Variants in IVD observed in about 807,000 individuals in gnomAD.
IVD encodes isovaleryl-CoA dehydrogenase, mitochondrial.
In IVD, 31 loss-of-function variants were observed where a neutral mutation model predicts 51.3. The observed-to-expected ratio is 0.60, with a 90% CI of 0.45 to 0.81. IVD has a LOEUF of 0.81. Among genes scored for constraint, IVD ranks in the 40% least tolerant of loss-of-function variants. IVD has a pLI of 0.00. For synonymous variants in IVD, 205 were observed against 219.4 expected (o/e 0.93, Z 0.58); for missense variants, 475 against 552.0 (o/e 0.86, Z 1.40).
intron 7 of IVD, among the ~76,000 whole-genome samples, chr15:40,430,535 A>G (rs1892912608): frequency 6.6e-6 from 1 of 152,212 alleles, no homozygotes; most frequent in African/African-American, 2.4e-5. Context: ...TATTTTGGAA[A>G]GATCCCTCTG....
In IVD at chr15:40,406,377, T is replaced by C. The variant is rs1379952943; in HGVS notation, c.144+406T>C. 6 of 1,291,008 alleles carry C rather than the reference T, an allele frequency of 4.6e-6. No individual in the cohort carries two copies. In the South Asian group the frequency reaches 7.4e-5, roughly 16 times the overall value. The allele number at this position is 1,291,008 out of a possible 1,614,324, so 80.0% of individuals were successfully genotyped here. A position where few individuals can be genotyped will look rare whatever the true frequency, so the allele number is the denominator to read the frequency against. On this transcript the variant is annotated intron_variant, in intron 1 of 11. Transcript: ENST00000487418. ...TATGCTTCTCACACCTGGGTGGTCA[T>C]CGTAATCACCAGGGAGTCTTTTTTG...
At chr15:40,415,957 C>T (rs1483439281) in intron 9 of IVD, 121 bp from the exon 10 acceptor site, 6 of 850,028 alleles carry the variant, frequency 7.1e-6, no homozygotes, top group African/African-American at 6.7e-5. Context: ...TGAGTAAATC[C>T]CATCTCCTCT....
chr15:40,421,898 C>A (rs1036693921), downstream of IVD, among the ~76,000 whole-genome samples: 2 of 152,158 alleles, frequency 1.3e-5, no homozygotes, highest in African/African-American at 4.8e-5. Context: ...GTCAACACAC[C>A]GCGCGGTCTG....
rs1892214541 is a variant in IVD, at chr15:40,420,627, G to T, written c.*2364G>T. 1.0e-6 allele frequency: 1 copy of T among 987,436 alleles called. No individual in the cohort carries two copies. The allele number at this position is 987,436 out of a possible 1,614,324, so 61.2% of individuals were successfully genotyped here. On this transcript the variant is annotated 3_prime_UTR_variant, in exon 12 of 12. Transcript: ENST00000487418. ...CAGCCTCCCTTTCCCAGATCTCCCAGTGAGTTTTAAAGGAAGCAGGGAGCC... is the reference window on the plus strand; with the variant it reads ...CAGCCTCCCTTTCCCAGATCTCCCATTGAGTTTTAAAGGAAGCAGGGAGCC...
downstream of IVD, among the ~76,000 whole-genome samples, chr15:40,427,895 T>C (rs953949868): frequency 3.3e-5 from 5 of 152,084 alleles, no homozygotes; most frequent in African/African-American, 1.2e-4. Context: ...TAATTAAGAC[T>C]GGACTGCCAG....
downstream of IVD, among the ~76,000 whole-genome samples, chr15:40,428,563 A>G (rs1471745346): frequency 1.3e-5 from 2 of 152,054 alleles, no homozygotes; most frequent in African/African-American, 4.8e-5. Context: ...TCCATGGCCA[A>G]GCCGCCCAGG....
At position 40,418,325 on chromosome 15, in the gene IVD, G is replaced by A. The variant is rs1041153557; in HGVS notation, c.*62G>A. 4 of 1,608,816 alleles carry A rather than the reference G, an allele frequency of 2.5e-6. No individual in the cohort carries two copies. In the African/African-American group the frequency reaches 5.3e-5, roughly 21 times the overall value. ...GGCCTTTCTTGGGAAGTAGAGATGTGGCGGCTTTCCCACCCTGCCCACAGC... is the reference window on the plus strand; with the variant it reads ...GGCCTTTCTTGGGAAGTAGAGATGTAGCGGCTTTCCCACCCTGCCCACAGC... On this transcript the variant is annotated 3_prime_UTR_variant, in exon 12 of 12. Transcript: ENST00000487418.
intron 7 of IVD, among the ~76,000 whole-genome samples, chr15:40,431,021 C>A (rs1372889686): frequency 6.6e-6 from 1 of 151,866 alleles, no homozygotes; most frequent in Non-Finnish European, 1.5e-5. Flanking sequence ...ATTTGGAAAA[C>A]ATAAGAGTAG....
At chr15:40,423,530 C>T (rs1892488101), downstream of IVD, among the ~76,000 whole-genome samples, 3 of 152,212 alleles carry the variant, frequency 2.0e-5, no homozygotes, top group Admixed American at 1.3e-4. Flanking sequence ...GGCATAATCT[C>T]AGCTGACTGC....
chr15:40,420,675 C>G lies in IVD; in HGVS notation c.*2412C>G. The stretch of plus-strand genomic sequence containing the variant: ...GCCCAGAGTGCTAAGTTCTTACAGC[C>G]AGAAGGAAGCTTATAGATTTCTGAA... On this transcript the variant is annotated 3_prime_UTR_variant, in exon 12 of 12. Coordinates refer to ENST00000487418, the MANE Select transcript of IVD (RefSeq NM_002225.5). The G allele has an allele frequency of 1.0e-6, 1 of 987,288 alleles. No individual in the cohort carries two copies. The highest frequency in any genetic ancestry group is 1.2e-6 in the Non-Finnish European group (1 of 830,100). The allele number at this position is 987,288 out of a possible 1,614,324, so 61.2% of individuals were successfully genotyped here. A position where few individuals can be genotyped will look rare whatever the true frequency, so the allele number is the denominator to read the frequency against.
chr15:40,422,585 C>CTTTTTTTTTTTTTTTTTTTTTTTTTT (rs1157351420), downstream of IVD, among the ~76,000 whole-genome samples: 1 of 69,134 alleles, frequency 1.4e-5, no homozygotes, highest in Non-Finnish European at 2.5e-5. Context: ...GCCCGGCCGA[C>CTTTTTTTTTTTTTTTTTTTTTTTTTT]TTTTTTTTTT....
At chr15:40,411,236 G>A in intron 4 of IVD, 24 bp from the exon 5 acceptor site, 1 of 1,611,994 alleles carries the variant, frequency 6.2e-7, no homozygotes. Context: ...TTGTAACAAG[G>A]CCTGTTGGGG....
chr15:40,431,303 T>G (rs1446462537), intron 7 of IVD, among the ~76,000 whole-genome samples: 1 of 152,124 alleles, frequency 6.6e-6, no homozygotes, highest in Non-Finnish European at 1.5e-5. Flanking sequence ...ATTATTAATG[T>G]GACCCTGGGA....
In IVD at chr15:40,420,344, A is replaced by C. The variant is rs1043991887; in HGVS notation, c.*2081A>C. On this transcript the variant is annotated 3_prime_UTR_variant, in exon 12 of 12. Transcript: ENST00000487418. ...GGCCGGAGTTGGCTCGCATGACTCC[A>C]GCTGAGGCTGCCTGTGTACATTTCT... is the stretch of plus-strand genomic sequence containing the variant. The C allele has an allele frequency of 8.1e-6, 8 of 987,586 alleles. No individual in the cohort carries two copies. In the African/African-American group the frequency reaches 1.2e-4, roughly 15 times the overall value. 61.2% of individuals were successfully genotyped at this position (987,586 alleles called of 1,614,324 possible). A position where few individuals can be genotyped will look rare whatever the true frequency, so the allele number is the denominator to read the frequency against.
intron 4 of IVD, 62 bp downstream of exon 4, chr15:40,410,859 C>T: frequency 1.3e-6 from 2 of 1,581,580 alleles, no homozygotes; most frequent in South Asian, 2.3e-5. Flanking sequence ...TAAAAGATAC[C>T]CTCTCCCCTT....
In IVD at chr15:40,418,997, T is replaced by A. The variant is rs1234820453; in HGVS notation, c.*734T>A. On this transcript the variant is annotated 3_prime_UTR_variant, in exon 12 of 12. Transcript: ENST00000487418. ...AAAATAGAAAAAAATTAGTTGGGCA[T>A]GGTGGTGGGCACCTGTAATCCCAGC... The A allele has an allele frequency of 5.8e-6, 3 of 515,880 alleles. No homozygotes were observed. Among genetic ancestry groups the A allele is most frequent in the South Asian group, 2.0e-5 (1 of 50,780 alleles). The allele number at this position is 515,880 out of a possible 1,614,324, so 32.0% of individuals were successfully genotyped here.
At position 40,413,853 on chromosome 15, in the gene IVD, G is replaced by A. The variant is rs540735266; in HGVS notation, c.784+766G>A. Among the ~76,000 whole-genome samples, 46 of 151,920 alleles carry A rather than the reference G, an allele frequency of 3.0e-4. No homozygotes were observed. The East Asian group carries it at 8.9e-3, about 29-fold the overall frequency. On this transcript the variant is annotated intron_variant, in intron 7 of 11. Transcript: ENST00000487418. ...TTACAGGCATGCGCCACCCTGCCCA[G>A]CTAAATTTTTTGTTTGTTTTTTTGA...
chr15:40,411,662 C>T lies in IVD; in HGVS notation c.658C>T (p.Arg220Trp), dbSNP rs966893680. 13 of 1,614,204 alleles carry T rather than the reference C, an allele frequency of 8.1e-6. No homozygotes were observed. Among genetic ancestry groups the T allele is most frequent in the Middle Eastern group, 1.6e-4 (1 of 6,062 alleles). ...KTDLAAVPAS[R>W]GITAFIVEKG... Reference sequence around the variant, plus strand: ...AGATCTGGCTGCTGTGCCAGCTTCTCGGGGCATCACAGCCTTCATTGTGGA... The same window carrying T: ...AGATCTGGCTGCTGTGCCAGCTTCTTGGGGCATCACAGCCTTCATTGTGGA... The change falls in exon 6 of 12, where the codon CGG becomes TGG. Residue 220 changes from arginine to tryptophan, a missense_variant. Transcript: ENST00000487418.
chr15:40,418,122 G>C lies in IVD; in HGVS notation c.1139-8G>C, dbSNP rs755640305. The C allele has an allele frequency of 7.7e-5, 125 of 1,613,884 alleles. No homozygotes were observed. The highest frequency in any genetic ancestry group is 1.0e-4 in the Non-Finnish European group (122 of 1,179,998). On this transcript the variant is annotated splice_region_variant and splice_polypyrimidine_tract_variant and intron_variant, in intron 11 of 11. Transcript: ENST00000487418. ...TTCCTTTCTTCTCTGCCCAAACCCT[G>C]GTTGCAGGTGGCAATGGCTACATCA... is the stretch of plus-strand genomic sequence containing the variant.
Sources: gnomAD v4.1 joint callset for allele counts (sites outside exome capture counted in the v4.1 genomes callset) on GRCh38, gnomAD v4.1.1 for gene constraint, MANE v1.5 for transcripts, NCBI Gene and HGNC (gene_info 2026-07-23, HGNC 2026-07-21) for gene names.